Variants in C12orf56 observed in about 807,000 individuals in gnomAD.
C12orf56 encodes the protein uncharacterized protein C12orf56.
A neutral mutation model predicts 69.9 loss-of-function variants in C12orf56; 71 were observed. That is an observed-to-expected ratio of 1.02 (90% CI 0.84 to 1.24). The LOEUF (loss-of-function observed/expected upper bound fraction) is 1.24. Among genes scored for constraint, C12orf56 ranks in the 50% most tolerant of loss-of-function variants. The pLI, the probability that C12orf56 is intolerant of heterozygous loss-of-function variation, is 0.00. For missense variants in C12orf56, 732 were observed against 738.5 expected, an observed-to-expected ratio of 0.99 and a Z score of 0.10; for synonymous variants, 276 against 274.1, an observed-to-expected ratio of 1.01 and a Z score of -0.07.
intron 3 of C12orf56, among the ~76,000 whole-genome samples, chr12:64,323,795 G>A (rs968812822): frequency 6.6e-6 from 1 of 152,172 alleles, no homozygotes; most frequent in Non-Finnish European, 1.5e-5. Context: ...ACAGGCGTGA[G>A]CCATCATGCC....
chr12:64,388,205 T>C (rs1341593066), intron 1 of C12orf56, among the ~76,000 whole-genome samples: 1 of 152,188 alleles, frequency 6.6e-6, no homozygotes, highest in East Asian at 1.9e-4. Context: ...CCCAAAGTGC[T>C]GGGATTACAG....
intron 1 of C12orf56, among the ~76,000 whole-genome samples, chr12:64,374,666 C>T (rs2039618004): frequency 6.6e-6 from 1 of 151,932 alleles, no homozygotes; most frequent in African/African-American, 2.4e-5. Flanking sequence ...GCCTCAGCCT[C>T]CTGAGTAGCT....
intron 1 of C12orf56, among the ~76,000 whole-genome samples, chr12:64,375,280 C>A (rs1369576211): frequency 6.6e-6 from 1 of 152,050 alleles, no homozygotes; most frequent in Non-Finnish European, 1.5e-5. Flanking sequence ...GTCTTGAACT[C>A]CTGGCCTCAA....
intron 1 of C12orf56, among the ~76,000 whole-genome samples, chr12:64,357,396 A>G (rs962738248): frequency 6.6e-6 from 1 of 151,384 alleles, no homozygotes; most frequent in Admixed American, 6.6e-5. Flanking sequence ...TAGCAATCAT[A>G]ATTTTTTCTT....
At chr12:64,331,532 G>T (rs1225813101) in intron 2 of C12orf56, among the ~76,000 whole-genome samples, 3 of 152,068 alleles carry the variant, frequency 2.0e-5, no homozygotes, top group East Asian at 1.9e-4. Context: ...AATTTAAAAA[G>T]TAGGGCCTTT....
intron 1 of C12orf56, among the ~76,000 whole-genome samples, chr12:64,373,828 T>C (rs1311706142): frequency 1.3e-5 from 2 of 152,236 alleles, no homozygotes; most frequent in Non-Finnish European, 2.9e-5. Context: ...TTCTCGTTCA[T>C]GTTCTCTCAT....
chr12:64,328,703 AAAAATATATATATATATAT>A (rs1565758569), intron 3 of C12orf56, among the ~76,000 whole-genome samples: 2 of 20,622 alleles, frequency 9.7e-5, no homozygotes, highest in Non-Finnish European at 1.8e-4. Flanking sequence ...AAAAAAAAAA[AAAAATATATATATATATAT>A]ATATATATAT....
Position 64,311,709 on chromosome 12 carries a change from G to A in C12orf56, c.968+970C>T, listed in dbSNP as rs375931182. 1.3e-4 allele frequency among the ~76,000 whole-genome samples: 20 copies of A among 152,268 alleles called. 1 individual carries two copies. The South Asian group carries it at 2.9e-3, about 22-fold the overall frequency. The stretch of plus-strand genomic sequence containing the variant: ...AAGAGTGAGGATGGACACAATGCTT[G>A]AGGAAAGAAAAATAAAAAGAGATGT... On this transcript the variant is annotated intron_variant, in intron 5 of 12. Transcript: ENST00000543942.
At chr12:64,350,022 G>A (rs968366899) in intron 2 of C12orf56, among the ~76,000 whole-genome samples, 1 of 151,720 alleles carries the variant, frequency 6.6e-6, no homozygotes, top group Non-Finnish European at 1.5e-5. Context: ...AACCCAGGAG[G>A]TGGAGGTTGC....
At chr12:64,339,542 G>A (rs2039046135) in intron 2 of C12orf56, among the ~76,000 whole-genome samples, 1 of 151,900 alleles carries the variant, frequency 6.6e-6, no homozygotes, top group Admixed American at 6.6e-5. Flanking sequence ...GTCATTTAAG[G>A]GTTTTTTTAA....
At chr12:64,340,190 G>A (rs1401028230) in intron 2 of C12orf56, among the ~76,000 whole-genome samples, 3 of 152,040 alleles carry the variant, frequency 2.0e-5, no homozygotes, top group African/African-American at 7.2e-5. Flanking sequence ...TAGGTTGGGA[G>A]GCTAGACCGG....
chr12:64,273,965 G>A (rs927298961), intron 11 of C12orf56, among the ~76,000 whole-genome samples: 6 of 152,160 alleles, frequency 3.9e-5, no homozygotes, highest in African/African-American at 1.2e-4. Flanking sequence ...GCTGTGACAC[G>A]GCAGAAGCAA....
At chr12:64,390,164 G>T in intron 1 of C12orf56, 150 bp downstream of exon 1, 1 of 1,095,198 alleles carries the variant, frequency 9.1e-7, no homozygotes. Context: ...GCAATCCACA[G>T]CTTCCCTGTG....
At position 64,266,666 on chromosome 12, in the gene C12orf56, GT is replaced by G; in HGVS notation, c.*516del. Reference sequence around the variant, plus strand: ...AGAGCATGCTCCTGTGCCTGGCATGGTTTCACCGAGAACACTGTGCCCAAGC... The same window carrying G: ...AGAGCATGCTCCTGTGCCTGGCATGGTTCACCGAGAACACTGTGCCCAAGC... On this transcript the variant is annotated 3_prime_UTR_variant, in exon 13 of 13. Transcript: ENST00000543942. 1.1e-6 allele frequency: 1 copy of G among 877,320 alleles called. No individual in the cohort carries two copies. Among genetic ancestry groups the G allele is most frequent in the Non-Finnish European group, 1.5e-6 (1 of 645,536 alleles). The allele number at this position is 877,320 out of a possible 1,614,324, so 54.3% of individuals were successfully genotyped here. A position where few individuals can be genotyped will look rare whatever the true frequency, so the allele number is the denominator to read the frequency against.
rs1004385859 is a variant in C12orf56, at chr12:64,275,468, T to C, written c.1435-96A>G. On this transcript the variant is annotated intron_variant, in intron 9 of 12. Transcript: ENST00000543942. ...CTTTAGGTACTTATACAATAAACTT[T>C]CTCTTTTTTTTGAGACAAGGTCTCA... 18 of 561,310 alleles carry C rather than the reference T, an allele frequency of 3.2e-5. No individual in the cohort carries two copies. The African/African-American group carries it at 3.5e-4, about 11-fold the overall frequency. 34.8% of individuals were successfully genotyped at this position (561,310 alleles called of 1,614,324 possible). A position where few individuals can be genotyped will look rare whatever the true frequency, so the allele number is the denominator to read the frequency against.
intron 1 of C12orf56, among the ~76,000 whole-genome samples, chr12:64,366,339 TTATA>T (rs1426736173): frequency 6.8e-4 from 61 of 89,332 alleles, no homozygotes; most frequent in Non-Finnish European, 8.2e-4. Flanking sequence ...TATATACAGT[TTATA>T]TATTATATAT....
chr12:64,337,854 CAAA>C (rs748434656), intron 2 of C12orf56, among the ~76,000 whole-genome samples: 5 of 90,730 alleles, frequency 5.5e-5, no homozygotes, highest in Admixed American at 1.1e-4. Context: ...AAAATTCTGT[CAAA>C]AAAAAAAAAA....
chr12:64,280,422 A>G (rs1035729900), intron 8 of C12orf56, among the ~76,000 whole-genome samples: 3 of 152,214 alleles, frequency 2.0e-5, no homozygotes, highest in Admixed American at 1.3e-4. Context: ...GGCCACATCG[A>G]TAGTCTCCTA....
intron 5 of C12orf56, among the ~76,000 whole-genome samples, chr12:64,308,947 GAAAGAAAGAAAGA>G (rs1565749014): frequency 3.0e-5 from 2 of 67,762 alleles, no homozygotes; most frequent in Admixed American, 3.2e-4. Context: ...AAAGAAGAAA[GAAAGAAAGAAAGA>G]AAGAAAGAAA....
Sources: allele counts gnomAD v4.1 joint callset (sites outside exome capture counted in the v4.1 genomes callset), GRCh38; gene constraint gnomAD v4.1.1; transcripts MANE v1.5; gene names NCBI Gene and HGNC (gene_info 2026-07-23, HGNC 2026-07-21).